Variants in PLG observed in about 807,000 individuals in gnomAD.
PLG encodes plasmin.
PLG carries 41 observed loss-of-function variants against 104.4 expected under a neutral mutation model. The observed-to-expected ratio is 0.39, with a 90% CI of 0.31 to 0.51. PLG has a LOEUF of 0.51. Ranked by LOEUF, PLG falls within the 20% of genes least tolerant of loss-of-function variation. PLG has a pLI of 0.76. For missense variants in PLG, 891 were observed against 1,003.6 expected (o/e 0.89, Z 1.52); for synonymous variants, 337 against 357.1 (o/e 0.94, Z 0.63).
At chr6:160,711,947 G>A (rs1411902478) in intron 4 of PLG, 4 of 1,274,976 alleles carry the variant, frequency 3.1e-6, no homozygotes, top group Admixed American at 3.7e-5. Flanking sequence ...TCCCAGTTTG[G>A]TGTTAGGTGG....
intron 17 of PLG, among the ~76,000 whole-genome samples, chr6:160,750,761 A>T (rs1778388756): frequency 6.6e-6 from 1 of 152,192 alleles, no homozygotes. Flanking sequence ...CTCGGTTCTT[A>T]CCTGTGTCAT....
chr6:160,736,096 G>A lies in PLG; in HGVS notation c.1682-791G>A, dbSNP rs1023936527. Among the ~76,000 whole-genome samples the A allele has an allele frequency of 6.6e-6, 1 of 152,164 alleles. No homozygotes were observed. Among genetic ancestry groups the A allele is most frequent in the Non-Finnish European group, 1.5e-5 (1 of 68,038 alleles). ...TTTACATTTGTGAAGACCTTGAAGG[G>A]CTGGAGACAACAGAGAAGCATTTTT... On this transcript the variant is annotated intron_variant, in intron 13 of 18. Coordinates refer to ENST00000308192, the MANE Select transcript of PLG (RefSeq NM_000301.5). This position sits in a 1 kb window ranked among gnomAD's most constrained non-coding sequence, Gnocchi z 5.2.
Position 160,722,451 on chromosome 6 carries a change from T to C in PLG, c.1140T>C (p.Gly380=). 6.2e-7 allele frequency: 1 copy of C among 1,613,218 alleles called. No homozygotes were observed. Among genetic ancestry groups the C allele is most frequent in the African/African-American group, 1.3e-5 (1 of 75,000 alleles). ...LTPVVQDCYH[G]DGQSYRGTSS... is the part of the protein sequence containing the mutation. Reference sequence around the variant, plus strand: ...CTGTGGTCCAGGACTGCTACCATGGTGATGGACAGAGCTACCGAGGCACAT... The same window carrying C: ...CTGTGGTCCAGGACTGCTACCATGGCGATGGACAGAGCTACCGAGGCACAT... Residue 380 remains glycine (G), a synonymous_variant, in exon 10 of 19, where the codon GGT becomes GGC. Coordinates refer to ENST00000308192, the MANE Select transcript of PLG (RefSeq NM_000301.5).
chr6:160,731,726 C>A lies in PLG; in HGVS notation c.1439-19C>A, dbSNP rs767466973. The A allele has an allele frequency of 1.2e-6, 2 of 1,612,406 alleles. No homozygotes were observed. The highest frequency in any genetic ancestry group is 3.3e-5 in the Admixed American group (2 of 59,992). ...GGTCTCTGTGGCTCTTCATAATCAT[C>A]CATTTTTTCCCTGTACAGACTGTAT... On this transcript the variant is annotated intron_variant, in intron 11 of 18. Coordinates refer to ENST00000308192, the MANE Select transcript of PLG (RefSeq NM_000301.5). The surrounding 1 kb of genome is among the most constrained non-coding windows in gnomAD (Gnocchi z 5.1).
At chr6:160,704,620 T>C (rs1181541009) in intron 1 of PLG, among the ~76,000 whole-genome samples, 2 of 152,204 alleles carry the variant, frequency 1.3e-5, no homozygotes, top group Non-Finnish European at 2.9e-5. Flanking sequence ...CTAAAGCATC[T>C]ATTTCTTTGT....
chr6:160,710,729 G>T (rs1777624488), intron 3 of PLG, among the ~76,000 whole-genome samples: 2 of 152,164 alleles, frequency 1.3e-5, no homozygotes, highest in Non-Finnish European at 2.9e-5. Context: ...ATCATTAAGT[G>T]ATCTCATTTT....
intron 17 of PLG, among the ~76,000 whole-genome samples, chr6:160,745,750 AGTATATTTTT>A (rs1778266849): frequency 6.6e-6 from 1 of 152,150 alleles, no homozygotes; most frequent in Admixed American, 6.6e-5. Context: ...TGCGTATTTA[AGTATATTTTT>A]GTATTGGCTG....
chr6:160,703,929 CG>C (rs1026382566), intron 1 of PLG, among the ~76,000 whole-genome samples: 5 of 152,062 alleles, frequency 3.3e-5, no homozygotes, highest in African/African-American at 1.2e-4. Context: ...CTGCAATGCC[CG>C]GGGAGAGGGA....
At chr6:160,742,879 C>A (rs1280144098) in intron 17 of PLG, among the ~76,000 whole-genome samples, 1 of 152,052 alleles carries the variant, frequency 6.6e-6, no homozygotes, top group East Asian at 1.9e-4. Context: ...TAGCCAGTTA[C>A]CCCAGCACCA....
In PLG at chr6:160,738,534, C is replaced by G. The variant is rs1467726514; in HGVS notation, c.1803-4C>G. 8 of 1,589,782 alleles carry G rather than the reference C, an allele frequency of 5.0e-6. No homozygotes were observed. The highest frequency in any genetic ancestry group is 6.9e-6 in the Non-Finnish European group (8 of 1,157,938). On this transcript the variant is annotated splice_polypyrimidine_tract_variant and splice_region_variant and intron_variant, in intron 14 of 18. Transcript: ENST00000308192. The surrounding 1 kb of genome is among the most constrained non-coding windows in gnomAD (Gnocchi z 6.8). Reference sequence around the variant, plus strand: ...CTAAAATTTGAACTAAATCCTCTTTCCAGGTTTGGAATGCACTTCTGTGGA... The same window carrying G: ...CTAAAATTTGAACTAAATCCTCTTTGCAGGTTTGGAATGCACTTCTGTGGA...
At chr6:160,707,934 T>C (rs1002555844) in intron 3 of PLG, 128 bp downstream of exon 3, 14 of 826,426 alleles carry the variant, frequency 1.7e-5, no homozygotes, top group African/African-American at 1.7e-4. Flanking sequence ...AACTGAATTC[T>C]GAGTTAGGAC....
At chr6:160,733,901 T>C (rs939244015) in intron 12 of PLG, 94 bp from the exon 13 acceptor site, 5 of 736,364 alleles carry the variant, frequency 6.8e-6, no homozygotes, top group Non-Finnish European at 7.6e-6. Flanking sequence ...CCTTTATGTC[T>C]TCTAAGGATA....
Position 160,741,315 on chromosome 6 carries a change from G to T in PLG, c.2023G>T (p.Ala675Ser). ...DIALLKLSSP[A>S]VITDKVIPAC... is the part of the protein sequence containing the mutation. ...CTGCTGATGCTTTTCTTTCAGTCCTGCCGTCATCACTGACAAAGTAATCCC... is the reference window on the plus strand; with the variant it reads ...CTGCTGATGCTTTTCTTTCAGTCCTTCCGTCATCACTGACAAAGTAATCCC... Residue 675 changes from alanine to serine, a missense_variant, in exon 17 of 19, where the codon GCC (alanine) becomes TCC (serine). By Grantham distance (99) the Ala-to-Ser change is moderately conservative. This residue lies in a region of PLG where 854 missense variants were observed against 932.1 expected (regional missense o/e 0.92). Transcript: ENST00000308192. The surrounding 1 kb of genome is among the most constrained non-coding windows in gnomAD (Gnocchi z 4.7). 1 of 1,591,204 alleles carries T rather than the reference G, an allele frequency of 6.3e-7. No homozygotes were observed. The highest frequency in any genetic ancestry group is 8.6e-7 in the Non-Finnish European group (1 of 1,159,072).
rs1778186161 is a variant in PLG at position 160,741,146 on chromosome 6, G to A, written c.2019-165G>A. On this transcript the variant is annotated intron_variant, in intron 16 of 18. Transcript: ENST00000308192. The surrounding 1 kb of genome is among the most constrained non-coding windows in gnomAD (Gnocchi z 4.7). ...TCTGCATAGTCCATAGACAACCACA[G>A]GCAAATGTGAGGGTGAAACTCTGTG... Among the ~76,000 whole-genome samples, 2 of 152,192 alleles carry A rather than the reference G, an allele frequency of 1.3e-5. No homozygotes were observed. Among genetic ancestry groups the A allele is most frequent in the African/African-American group, 4.8e-5 (2 of 41,436 alleles).
intron 10 of PLG, among the ~76,000 whole-genome samples, chr6:160,730,441 C>G (rs1777982081): frequency 6.6e-6 from 1 of 152,246 alleles, no homozygotes; most frequent in South Asian, 2.1e-4. Context: ...CAGAAACAAA[C>G]CCACTTGACA....
chr6:160,743,525 G>T (rs944676112), intron 17 of PLG, among the ~76,000 whole-genome samples: 1 of 152,196 alleles, frequency 6.6e-6, no homozygotes, highest in African/African-American at 2.4e-5. Context: ...CTGAAACTTT[G>T]CTGGAGTTGA....
rs867889440 is a variant in PLG at position 160,740,750 on chromosome 6, T to C, written c.2019-561T>C. ...TATATGAATGTTCTTTGAAAACAAATACCATTTTGTTCAAGCAAAAGGCTT... is the reference window on the plus strand; with the variant it reads ...TATATGAATGTTCTTTGAAAACAAACACCATTTTGTTCAAGCAAAAGGCTT... On this transcript the variant is annotated intron_variant, in intron 16 of 18. Transcript: ENST00000308192. This position sits in a 1 kb window ranked among gnomAD's most constrained non-coding sequence, Gnocchi z 5.2. 6.6e-6 allele frequency among the ~76,000 whole-genome samples: 1 copy of C among 152,184 alleles called. No homozygotes were observed. Among genetic ancestry groups the C allele is most frequent in the Non-Finnish European group, 1.5e-5 (1 of 68,036 alleles).
Position 160,734,030 on chromosome 6 carries a change from C to T in PLG, c.1623C>T (p.Pro541=). 1 of 1,611,180 alleles carries T rather than the reference C, an allele frequency of 6.2e-7. No individual in the cohort carries two copies. Among genetic ancestry groups the T allele is most frequent in the Non-Finnish European group, 8.5e-7 (1 of 1,177,484 alleles). The stretch of plus-strand genomic sequence containing the variant: ...ACCCTGATGGTGATGTAGGTGGTCC[C>T]TGGTGCTACACGACAAATCCAAGAA... The part of the protein sequence containing the change: ...CRNPDGDVGG[P]WCYTTNPRKL... Residue 541 remains proline (P), a synonymous_variant, in exon 13 of 19, where the codon CCC becomes CCT. Coordinates refer to ENST00000308192, the MANE Select transcript of PLG (RefSeq NM_000301.5). This position sits in a 1 kb window ranked among gnomAD's most constrained non-coding sequence, Gnocchi z 4.4.
intron 17 of PLG, among the ~76,000 whole-genome samples, chr6:160,750,067 T>C (rs1025301468): frequency 2.6e-5 from 4 of 152,232 alleles, no homozygotes; most frequent in Non-Finnish European, 5.9e-5. Context: ...ATTTTCTACA[T>C]GTCAATAATG....
Sources: gnomAD v4.1 joint callset for allele counts (sites outside exome capture counted in the v4.1 genomes callset) on GRCh38, gnomAD v4.1.1 for gene constraint, gnomAD v4.1.1 regional missense constraint, Gnocchi (gnomAD v3.1) non-coding constraint, MANE v1.5 for transcripts, NCBI Gene and HGNC (gene_info 2026-07-23, HGNC 2026-07-21) for gene names.